Variants in PCDHGB4 observed in about 807,000 individuals in gnomAD.
PCDHGB4 encodes protocadherin gamma-B4.
A neutral mutation model predicts 60.5 loss-of-function variants in PCDHGB4; 38 were observed. That is an observed-to-expected ratio of 0.63 (90% CI 0.48 to 0.82). The LOEUF (loss-of-function observed/expected upper bound fraction) is 0.82, where lower values mean the gene tolerates loss of function less well. PCDHGB4 is among the 40% of genes least tolerant of loss of function. PCDHGB4 has a pLI of 0.00. For missense variants in PCDHGB4, 1,109 were observed against 1,209.6 expected (o/e 0.92, Z 1.23); for synonymous variants, 456 against 509.7 (o/e 0.89, Z 1.42).
At chr5:141,501,288 T>TATACAC (rs201660636) in intron 2 of PCDHGB4, among the ~76,000 whole-genome samples, 3,536 of 81,176 alleles carry the variant, frequency 0.044, 56 homozygotes, top group Admixed American at 0.065. Flanking sequence ...GATATTCCCT[T>TATACAC]ATACACACAC....
chr5:141,490,205 C>A lies in PCDHGB4; in HGVS notation c.2398-4602C>A. 1 of 1,614,168 alleles carries A rather than the reference C, an allele frequency of 6.2e-7. No individual in the cohort carries two copies. The highest frequency in any genetic ancestry group is 8.5e-7 in the Non-Finnish European group (1 of 1,180,004). ...CGTTTCTATGAAATTCATGCAAGAG[C>A]CCGTGACCAGGGACAGCCTGCCATG... On this transcript the variant is annotated intron_variant, in intron 1 of 3. Transcript: ENST00000519479. This position sits in a 1 kb window ranked among gnomAD's most constrained non-coding sequence, Gnocchi z 5.4.
In PCDHGB4 at chr5:141,432,262, A is replaced by G; in HGVS notation, c.2397+41981A>G. 1.9e-6 allele frequency: 3 copies of G among 1,614,222 alleles called. No homozygotes were observed. Among genetic ancestry groups the G allele is most frequent in the Non-Finnish European group, 2.5e-6 (3 of 1,180,036 alleles). On this transcript the variant is annotated intron_variant, in intron 1 of 3. Coordinates refer to ENST00000519479, the MANE Select transcript of PCDHGB4 (RefSeq NM_003736.4). This position sits in a 1 kb window ranked among gnomAD's most constrained non-coding sequence, Gnocchi z 6.0. ...AGAACACCATCCAAGGGGCAAGCCT[A>G]TCGTCCTACGTGTCCATCAACTCCG...
rs755499740 is a variant in PCDHGB4 at position 141,389,751 on chromosome 5, G to C, written c.1867G>C (p.Glu623Gln). 1.9e-6 allele frequency: 3 copies of C among 1,612,800 alleles called. No individual in the cohort carries two copies. The highest frequency in any genetic ancestry group is 1.1e-5 in the South Asian group (1 of 91,032). ...CTTCAGCCTGGGGCTGCGCACGGGC[G>C]AAGTGCGCACAGCGCGTGCCTTAGG... ...GLFSLGLRTGEVRTARALGDR... is the reference protein window; with the variant it reads ...GLFSLGLRTGQVRTARALGDR... Residue 623 changes from glutamate (E) to glutamine (Q), a missense_variant, in exon 1 of 4, where the codon GAA becomes CAA. Glu to Gln is a conservative substitution (Grantham distance 29). Coordinates refer to ENST00000519479, the MANE Select transcript of PCDHGB4 (RefSeq NM_003736.4).
intron 1 of PCDHGB4, chr5:141,419,303 G>A (rs1561779463): frequency 1.2e-6 from 2 of 1,613,970 alleles, no homozygotes; most frequent in Non-Finnish European, 1.7e-6. Flanking sequence ...CCCAGACTTC[G>A]GGCTCAACGG....
chr5:141,435,334 T>A (rs1223377462), intron 1 of PCDHGB4, among the ~76,000 whole-genome samples: 1 of 152,196 alleles, frequency 6.6e-6, no homozygotes, highest in African/African-American at 2.4e-5. Flanking sequence ...ATATAGTGAA[T>A]TTATTTCTTC....
chr5:141,415,880 A>G, intron 1 of PCDHGB4: 1 of 1,003,078 alleles, frequency 1.0e-6, no homozygotes. Flanking sequence ...TGAGTACAAT[A>G]TTGACAATTC....
Position 141,511,908 on chromosome 5 carries a change from A to T in PCDHGB4, c.*735A>T, listed in dbSNP as rs528200582. The T allele has an allele frequency of 4.5e-5, 7 of 156,536 alleles. No homozygotes were observed. The highest frequency in any genetic ancestry group is 1.9e-4 in the East Asian group (1 of 5,250). The allele number at this position is 156,536 out of a possible 1,614,324, so 9.7% of individuals were successfully genotyped here. A position where few individuals can be genotyped will look rare whatever the true frequency, so the allele number is the denominator to read the frequency against. On this transcript the variant is annotated 3_prime_UTR_variant, in exon 4 of 4. Transcript: ENST00000519479. ...GACTTCCCCCACCTCCTCCTCAAAC[A>T]AGAGACTCCACTGCATGTTCCAAGA...
Position 141,491,529 on chromosome 5 carries a change from G to T in PCDHGB4, c.2398-3278G>T, listed in dbSNP as rs1157770121. ...GCACGCTCAAGTACATGGAGGTGAC[G>T]CTGCGGCCCACAGACTCGCAGAGCC... On this transcript the variant is annotated intron_variant, in intron 1 of 3. Transcript: ENST00000519479. This position sits in a 1 kb window ranked among gnomAD's most constrained non-coding sequence, Gnocchi z 6.9. The T allele has an allele frequency of 6.2e-7, 1 of 1,614,040 alleles. No individual in the cohort carries two copies. The highest frequency in any genetic ancestry group is 1.1e-5 in the South Asian group (1 of 91,080).
chr5:141,505,679 G>A (rs1350871637), intron 3 of PCDHGB4, among the ~76,000 whole-genome samples, 198 bp downstream of exon 3: 24 of 152,172 alleles, frequency 1.6e-4, no homozygotes, highest in Non-Finnish European at 3.5e-4. Flanking sequence ...TGGGGGTCCT[G>A]GGATGCCTGG....
chr5:141,414,280 G>C, intron 1 of PCDHGB4: 5 of 1,613,604 alleles, frequency 3.1e-6, no homozygotes, highest in Non-Finnish European at 4.2e-6. Context: ...TCTGGGAACA[G>C]TCGTAGCCCT....
Position 141,477,782 on chromosome 5 carries a change from T to G in PCDHGB4, c.2398-17025T>G, listed in dbSNP as rs763675478. 1.2e-5 allele frequency: 20 copies of G among 1,613,902 alleles called. No individual in the cohort carries two copies. Among genetic ancestry groups the G allele is most frequent in the Non-Finnish European group, 1.7e-5 (20 of 1,180,042 alleles). ...AGCCACCAACATCAGCGTGAACATA[T>G]TTGTCACTGATCGCAATGACAATGC... On this transcript the variant is annotated intron_variant, in intron 1 of 3. Coordinates refer to ENST00000519479, the MANE Select transcript of PCDHGB4 (RefSeq NM_003736.4). The surrounding 1 kb of genome is among the most constrained non-coding windows in gnomAD (Gnocchi z 4.9).
At position 141,487,010 on chromosome 5, in the gene PCDHGB4, GC is replaced by G. The variant is rs2099638172; in HGVS notation, c.2398-7793del. ...TTGGGTTTCCTATCAGCTCCTGGAG[GC>G]CCCAGATCCCAGCCTGTTTGCAGTC... is the stretch of plus-strand genomic sequence containing the variant. On this transcript the variant is annotated intron_variant, in intron 1 of 3. Coordinates refer to ENST00000519479, the MANE Select transcript of PCDHGB4 (RefSeq NM_003736.4). This position sits in a 1 kb window ranked among gnomAD's most constrained non-coding sequence, Gnocchi z 5.0. 6.2e-7 allele frequency: 1 copy of G among 1,614,096 alleles called. No individual in the cohort carries two copies. Among genetic ancestry groups the G allele is most frequent in the Non-Finnish European group, 8.5e-7 (1 of 1,180,056 alleles).
chr5:141,446,415 T>C (rs1275165245), intron 1 of PCDHGB4, among the ~76,000 whole-genome samples: 2 of 152,046 alleles, frequency 1.3e-5, no homozygotes, highest in African/African-American at 4.8e-5. Flanking sequence ...GTTCCAGCCA[T>C]GTTCATTTGA....
chr5:141,491,293 C>T lies in PCDHGB4; in HGVS notation c.2398-3514C>T. On this transcript the variant is annotated intron_variant, in intron 1 of 3. Transcript: ENST00000519479. This position sits in a 1 kb window ranked among gnomAD's most constrained non-coding sequence, Gnocchi z 6.9. Reference sequence around the variant, plus strand: ...ATCCAGTGACTTCCTCATACACCCTCCTGAGCGTTCAGACCTTACCCTTTA... The same window carrying T: ...ATCCAGTGACTTCCTCATACACCCTTCTGAGCGTTCAGACCTTACCCTTTA... 6.2e-7 allele frequency: 1 copy of T among 1,614,166 alleles called. No homozygotes were observed. The highest frequency in any genetic ancestry group is 1.3e-5 in the African/African-American group (1 of 75,058).
At chr5:141,419,584 C>T in intron 1 of PCDHGB4, 1 of 1,611,798 alleles carries the variant, frequency 6.2e-7, no homozygotes, top group Non-Finnish European at 8.5e-7. Context: ...CCGCGCTCTT[C>T]GACACAGTGC....
At chr5:141,422,041 G>T in intron 1 of PCDHGB4, 3 of 1,611,632 alleles carry the variant, frequency 1.9e-6, no homozygotes, top group South Asian at 1.1e-5. Context: ...GGATCCAGAC[G>T]AGGGAATCAA....
At chr5:141,414,564 C>G in intron 1 of PCDHGB4, 1 of 1,613,948 alleles carries the variant, frequency 6.2e-7, no homozygotes, top group East Asian at 2.2e-5. Context: ...CCTACTTTAC[C>G]TATATCCCAG....
chr5:141,438,619 TATATATATATATATATACAC>T (rs1310378007), intron 1 of PCDHGB4, among the ~76,000 whole-genome samples: 16 of 39,678 alleles, frequency 4.0e-4, no homozygotes, highest in African/African-American at 1.2e-3. Flanking sequence ...TATATATATA[TATATATATATATATATACAC>T]ACACACACAC....
At chr5:141,433,128 C>T (rs773994964) in intron 1 of PCDHGB4, 3 of 1,614,158 alleles carry the variant, frequency 1.9e-6, no homozygotes, top group Non-Finnish European at 1.7e-6. Flanking sequence ...AAAAGCGAGC[C>T]CCTTTTGCTG....
Sources: gnomAD v4.1 joint callset for allele counts (sites outside exome capture counted in the v4.1 genomes callset) on GRCh38, gnomAD v4.1.1 for gene constraint, Gnocchi (gnomAD v3.1) non-coding constraint, MANE v1.5 for transcripts, NCBI Gene and HGNC (gene_info 2026-07-23, HGNC 2026-07-21) for gene names.